Variants in HS3ST5 observed in about 807,000 individuals in gnomAD.
HS3ST5 encodes the protein heparan sulfate-glucosamine 3-sulfotransferase 5, also known as heparan sulfate glucosamine 3-O-sulfotransferase 5.
A neutral mutation model predicts 25.4 loss-of-function variants in HS3ST5; 10 were observed. That is an observed-to-expected ratio of 0.39 (90% CI 0.24 to 0.67). The LOEUF (loss-of-function observed/expected upper bound fraction) is 0.67, where lower values mean the gene tolerates loss of function less well. Among genes scored for constraint, HS3ST5 ranks in the 30% least tolerant of loss-of-function variants. The pLI is 0.44. For synonymous variants in HS3ST5, 170 were observed against 162.4 expected (o/e 1.05, Z -0.36); for missense variants, 324 against 420.7 (o/e 0.77, Z 2.01).
intron 3 of HS3ST5, among the ~76,000 whole-genome samples, chr6:114,147,527 C>A (rs1015590768): frequency 6.6e-6 from 1 of 152,132 alleles, no homozygotes; most frequent in African/African-American, 2.4e-5. Flanking sequence ...ACCAACCTAC[C>A]AATCTGGACT....
intron 2 of HS3ST5, among the ~76,000 whole-genome samples, chr6:114,205,732 G>C (rs767785817): frequency 3.3e-5 from 5 of 152,052 alleles, no homozygotes; most frequent in Non-Finnish European, 7.4e-5. Flanking sequence ...TAGTGGTTGG[G>C]GATGGTTTTG....
At chr6:114,260,551 G>A (rs377224263) in intron 1 of HS3ST5, among the ~76,000 whole-genome samples, 1 of 152,152 alleles carries the variant, frequency 6.6e-6, no homozygotes, top group Non-Finnish European at 1.5e-5. Context: ...TAACTAGAAC[G>A]CACAGTTTTC....
intron 1 of HS3ST5, among the ~76,000 whole-genome samples, chr6:114,331,303 A>C (rs1439336365): frequency 6.6e-6 from 1 of 152,224 alleles, no homozygotes; most frequent in Non-Finnish European, 1.5e-5. Flanking sequence ...AGAATTTCAA[A>C]GTAAATTTAT....
chr6:114,202,829 A>G (rs1781090078), intron 2 of HS3ST5, among the ~76,000 whole-genome samples: 1 of 152,224 alleles, frequency 6.6e-6, no homozygotes, highest in South Asian at 2.1e-4. Flanking sequence ...TGAGAGTAAT[A>G]TACTCACTAA....
chr6:114,260,415 T>C (rs1773119931), intron 1 of HS3ST5, among the ~76,000 whole-genome samples: 1 of 152,208 alleles, frequency 6.6e-6, no homozygotes, highest in South Asian at 2.1e-4. Flanking sequence ...CTTAAAATAA[T>C]TATAAGACTT....
chr6:114,063,699 G>A (rs533630737), intron 3 of HS3ST5, among the ~76,000 whole-genome samples: 1 of 152,086 alleles, frequency 6.6e-6, no homozygotes, highest in Non-Finnish European at 1.5e-5. Flanking sequence ...AGAAGAAGGG[G>A]GTGAAATCGA....
At chr6:114,253,056 G>A (rs1056467356) in intron 1 of HS3ST5, among the ~76,000 whole-genome samples, 3 of 152,098 alleles carry the variant, frequency 2.0e-5, no homozygotes, top group African/African-American at 7.2e-5. Flanking sequence ...GGGTATTGTA[G>A]TGTATGTCTG....
chr6:114,125,266 A>G (rs1174982848), intron 3 of HS3ST5, among the ~76,000 whole-genome samples: 6 of 152,212 alleles, frequency 3.9e-5, no homozygotes, highest in African/African-American at 1.4e-4. Context: ...AGCATATACA[A>G]CTTAAAAACT....
chr6:114,325,605 T>A (rs1358109730), intron 1 of HS3ST5, among the ~76,000 whole-genome samples: 5 of 152,166 alleles, frequency 3.3e-5, no homozygotes, highest in African/African-American at 9.7e-5. Context: ...CCTGCTAAAC[T>A]AGTGTTTCTC....
intron 2 of HS3ST5, among the ~76,000 whole-genome samples, chr6:114,219,722 T>G (rs1321681988): frequency 6.6e-6 from 1 of 152,154 alleles, no homozygotes; most frequent in Non-Finnish European, 1.5e-5. Flanking sequence ...GGGCATCACA[T>G]TAATAAGAAT....
chr6:114,213,292 G>A (rs1172490576), intron 2 of HS3ST5, among the ~76,000 whole-genome samples: 2 of 142,632 alleles, frequency 1.4e-5, no homozygotes, highest in East Asian at 2.1e-4. Flanking sequence ...CTTCTTTGCT[G>A]CTCTGCTGCC....
intron 3 of HS3ST5, among the ~76,000 whole-genome samples, chr6:114,156,674 A>G (rs192264976): frequency 6.6e-6 from 1 of 152,224 alleles, no homozygotes; most frequent in East Asian, 1.9e-4. Context: ...CTCGATATCC[A>G]GTTTATTTCA....
chr6:114,130,773 G>A (rs1274664726), intron 3 of HS3ST5, among the ~76,000 whole-genome samples: 5 of 152,066 alleles, frequency 3.3e-5, no homozygotes, highest in Non-Finnish European at 4.4e-5. Flanking sequence ...GTTTCACCGT[G>A]TTAGCCAGGA....
At chr6:114,335,501 T>C (rs1253357430) in intron 1 of HS3ST5, among the ~76,000 whole-genome samples, 1 of 152,092 alleles carries the variant, frequency 6.6e-6, no homozygotes, top group Non-Finnish European at 1.5e-5. Flanking sequence ...AAGACAAATA[T>C]AAATATTTCA....
chr6:114,200,478 C>T (rs533504795), intron 2 of HS3ST5, among the ~76,000 whole-genome samples: 121 of 152,258 alleles, frequency 7.9e-4, no homozygotes, highest in Non-Finnish European at 1.3e-3. Context: ...TTGCCTGTAA[C>T]GAGCATCACA....
chr6:114,287,852 G>A (rs1774404842), intron 1 of HS3ST5, among the ~76,000 whole-genome samples: 1 of 151,872 alleles, frequency 6.6e-6, no homozygotes, highest in African/African-American at 2.4e-5. Context: ...CCCCCATAAA[G>A]TGCCTAATTG....
At chr6:114,205,855 T>C (rs1781255768) in intron 2 of HS3ST5, among the ~76,000 whole-genome samples, 1 of 152,120 alleles carries the variant, frequency 6.6e-6, no homozygotes, top group Non-Finnish European at 1.5e-5. Context: ...TATAAGAATC[T>C]AATGCTGCCA....
At chr6:114,158,592 A>G (rs969665704) in intron 3 of HS3ST5, among the ~76,000 whole-genome samples, 4 of 152,234 alleles carry the variant, frequency 2.6e-5, no homozygotes, top group African/African-American at 9.6e-5. Context: ...ATTTGGCAAA[A>G]GTCAGTTGGC....
At chr6:114,082,977 C>T (rs576098514) in intron 3 of HS3ST5, among the ~76,000 whole-genome samples, 8 of 152,350 alleles carry the variant, frequency 5.3e-5, no homozygotes, top group African/African-American at 1.7e-4. Context: ...GGTGCACTCA[C>T]CATTGCTCCA....
Sources: gnomAD v4.1 joint callset for allele counts (sites outside exome capture counted in the v4.1 genomes callset) on GRCh38, gnomAD v4.1.1 for gene constraint, MANE v1.5 for transcripts, NCBI Gene and HGNC (gene_info 2026-07-23, HGNC 2026-07-21) for gene names.